SPATA13: variants seen among roughly 807,000 people sequenced by gnomAD.
SPATA13 encodes spermatogenesis associated 13, also known as spermatogenesis-associated protein 13.
A neutral mutation model predicts 104.0 loss-of-function variants in SPATA13; 50 were observed. The observed-to-expected ratio is 0.48, with a 90% CI of 0.38 to 0.61. SPATA13 has a LOEUF of 0.61. Ranked by LOEUF, SPATA13 falls within the 20% of genes least tolerant of loss-of-function variation. SPATA13 has a pLI of 0.00. For synonymous variants in SPATA13, 606 were observed against 667.5 expected (o/e 0.91, Z 1.42); for missense variants, 1,524 against 1,690.6 (o/e 0.90, Z 1.73).
At chr13:23,990,259 A>G (rs1271838399) in intron 2 of SPATA13, among the ~76,000 whole-genome samples, 1 of 152,148 alleles carries the variant, frequency 6.6e-6, no homozygotes, top group Non-Finnish European at 1.5e-5. Context: ...TATGAAATGC[A>G]ACTCTCTGGT....
chr13:24,180,103 T>G (rs1868703555), intron 1 of SPATA13, among the ~76,000 whole-genome samples: 1 of 152,222 alleles, frequency 6.6e-6, no homozygotes, highest in Admixed American at 6.5e-5. Context: ...GTGAAGATTT[T>G]CTCCCTATTT....
At chr13:24,227,854 G>A (rs1872033034) in intron 2 of SPATA13, among the ~76,000 whole-genome samples, 1 of 152,080 alleles carries the variant, frequency 6.6e-6, no homozygotes, top group Non-Finnish European at 1.5e-5. Context: ...ATAGGTGTGA[G>A]CCACCACGCC....
intron 3 of SPATA13, among the ~76,000 whole-genome samples, chr13:24,049,829 A>C (rs1878276686): frequency 6.6e-6 from 1 of 152,174 alleles, no homozygotes; most frequent in African/African-American, 2.4e-5. Context: ...CAAACCAGGA[A>C]GAGGGAAATC....
At chr13:24,037,333 C>G (rs549994680) in intron 3 of SPATA13, among the ~76,000 whole-genome samples, 2 of 151,158 alleles carry the variant, frequency 1.3e-5, no homozygotes, top group East Asian at 1.9e-4. Flanking sequence ...GCACATGTAC[C>G]CTAGAACTTA....
At chr13:23,980,857 G>T (rs996331389) in intron 1 of SPATA13, among the ~76,000 whole-genome samples, 1 of 152,168 alleles carries the variant, frequency 6.6e-6, no homozygotes, top group Non-Finnish European at 1.5e-5. Context: ...CTCCCTAAGT[G>T]CTGGGATTAG....
At chr13:24,234,083 A>C (rs1248722546) in intron 2 of SPATA13, among the ~76,000 whole-genome samples, 1 of 152,182 alleles carries the variant, frequency 6.6e-6, no homozygotes, top group African/African-American at 2.4e-5. Context: ...GGTAGATGGA[A>C]TCATACCCCT....
chr13:24,034,024 A>G (rs1593290123), intron 3 of SPATA13: 1 of 152,176 alleles, frequency 6.6e-6, no homozygotes, highest in Non-Finnish European at 1.5e-5. Flanking sequence ...TGTTCCAGTC[A>G]TTGTTGTGGG....
intron 3 of SPATA13, among the ~76,000 whole-genome samples, chr13:24,129,065 T>G (rs1881312991): frequency 6.6e-6 from 1 of 152,248 alleles, no homozygotes; most frequent in Non-Finnish European, 1.5e-5. Context: ...CATCTGTTTG[T>G]TGAATTCCTC....
rs1881361852 is a variant in SPATA13, at chr13:24,130,561, A to G, written c.-111-92258A>G. On this transcript the variant is annotated intron_variant, in intron 3 of 14. Transcript: ENST00000424834. ...CAACTCATTGTTTAGCGTCATGGGA[A>G]CAAGGCGTTTATCAGACAAGATCAG... 2.0e-5 allele frequency among the ~76,000 whole-genome samples: 3 copies of G among 152,232 alleles called. No individual in the cohort carries two copies. In the South Asian group the frequency reaches 6.2e-4, roughly 32 times the overall value.
At chr13:24,299,855 TCA>T (rs1877061346) in intron 11 of SPATA13, among the ~76,000 whole-genome samples, 1 of 152,202 alleles carries the variant, frequency 6.6e-6, no homozygotes, top group Admixed American at 6.5e-5. Context: ...TTCACCCAGT[TCA>T]CACACTGCAC....
chr13:24,223,274 G>T lies in SPATA13; in HGVS notation c.345G>T (p.Lys115Asn), dbSNP rs1350045295. ...CCTTCCGGAAAATGGGATCCTTTAAGAAACTGAAGTCCTCAGTCCTGAAAG... is the reference window on the plus strand; with the variant it reads ...CCTTCCGGAAAATGGGATCCTTTAATAAACTGAAGTCCTCAGTCCTGAAAG... Reference protein sequence around the residue: ...LASFRKMGSFKKLKSSVLKGI... With the variant: ...LASFRKMGSFNKLKSSVLKGI... The change falls in exon 2 of 13, where the codon AAG (lysine) becomes AAT (asparagine). Residue 115 changes from lysine to asparagine, a missense_variant. Coordinates refer to ENST00000382108, the MANE Select transcript of SPATA13 (RefSeq NM_001166271.3). 3 of 1,551,590 alleles carry T rather than the reference G, an allele frequency of 1.9e-6. No individual in the cohort carries two copies. Among genetic ancestry groups the T allele is most frequent in the Non-Finnish European group, 2.6e-6 (3 of 1,147,016 alleles).
intron 3 of SPATA13, among the ~76,000 whole-genome samples, chr13:24,024,622 C>T (rs1877125074): frequency 6.6e-6 from 1 of 151,470 alleles, no homozygotes; most frequent in South Asian, 2.1e-4. Context: ...ATGATGCATC[C>T]AGTGCTTACT....
At chr13:24,101,796 G>T (rs898610100) in intron 3 of SPATA13, among the ~76,000 whole-genome samples, 2 of 152,134 alleles carry the variant, frequency 1.3e-5, no homozygotes, top group African/African-American at 4.8e-5. Flanking sequence ...TCTGTGCTGT[G>T]GTATATGACA....
At chr13:24,040,845 A>C (rs758457293) in intron 3 of SPATA13, among the ~76,000 whole-genome samples, 5 of 152,110 alleles carry the variant, frequency 3.3e-5, no homozygotes, top group Non-Finnish European at 7.3e-5. Flanking sequence ...GTTTTTGAGG[A>C]TACAGATTGT....
At chr13:24,046,653 C>G (rs1326069703) in intron 3 of SPATA13, among the ~76,000 whole-genome samples, 4 of 151,492 alleles carry the variant, frequency 2.6e-5, no homozygotes, top group Admixed American at 2.6e-4. Context: ...TATAGATGTC[C>G]AATGTATAAT....
At chr13:24,296,226 A>G (rs2138764564) in intron 10 of SPATA13, among the ~76,000 whole-genome samples, 1 of 152,268 alleles carries the variant, frequency 6.6e-6, no homozygotes, top group East Asian at 1.9e-4. Flanking sequence ...ACTGAGTCCA[A>G]CTCTTTTATT....
At position 24,027,784 on chromosome 13, in the gene SPATA13, C is replaced by T. The variant is rs369784550; in HGVS notation, c.-112+10083C>T. ...AGTATCATAGCATAGTTGTGAAAAC[C>T]GAGGAAATTAGTATATGCACGGATC... On this transcript the variant is annotated intron_variant, in intron 3 of 14. Transcript: ENST00000424834. Among the ~76,000 whole-genome samples the T allele has an allele frequency of 3.9e-5, 6 of 152,198 alleles. 1 individual carries two copies. Among genetic ancestry groups the T allele is most frequent in the African/African-American group, 1.2e-4 (5 of 41,520 alleles).
At chr13:23,990,192 G>A (rs1367334840) in intron 2 of SPATA13, among the ~76,000 whole-genome samples, 1 of 152,144 alleles carries the variant, frequency 6.6e-6, no homozygotes, top group East Asian at 1.9e-4. Context: ...CAGCTGTGTT[G>A]TTGCCTTCAG....
chr13:24,218,876 T>G (rs1871408149), intron 1 of SPATA13, among the ~76,000 whole-genome samples: 1 of 152,072 alleles, frequency 6.6e-6, no homozygotes, highest in Non-Finnish European at 1.5e-5. Flanking sequence ...TTTTGTACAT[T>G]TAATCTGTTC....
Sources: allele counts gnomAD v4.1 joint callset (sites outside exome capture counted in the v4.1 genomes callset), GRCh38; gene constraint gnomAD v4.1.1; transcripts MANE v1.5; gene names NCBI Gene and HGNC (gene_info 2026-07-23, HGNC 2026-07-21).